Variants in PI4KA observed in about 807,000 individuals in gnomAD.
PI4KA encodes PI4-kinase alpha.
In PI4KA, 122 loss-of-function variants were observed where a neutral mutation model predicts 271.4. The ratio of observed to expected loss-of-function variants is 0.45; its 90% confidence interval spans 0.39 to 0.52. The LOEUF is 0.52. PI4KA is among the 20% of genes least tolerant of loss of function. PI4KA has a pLI of 0.00. For synonymous variants in PI4KA, 1,041 were observed against 1,078.8 expected, an observed-to-expected ratio of 0.96 and a Z score of 0.69; for missense variants, 1,969 against 2,769.1, an observed-to-expected ratio of 0.71 and a Z score of 6.48.
intron 22 of PI4KA, 23 bp downstream of exon 22, chr22:20,764,794 C>T: frequency 6.3e-7 from 1 of 1,593,040 alleles, no homozygotes; most frequent in Non-Finnish European, 8.6e-7. Context: ...TGTGCATGTG[C>T]ATGGTGGTGA....
chr22:20,770,103 G>A (rs1487571485), intron 19 of PI4KA, among the ~76,000 whole-genome samples: 1 of 152,014 alleles, frequency 6.6e-6, no homozygotes, highest in Non-Finnish European at 1.5e-5. Context: ...ACTGGAGTAG[G>A]GGGTACAATC....
chr22:20,745,943 A>G (rs1282183904), intron 29 of PI4KA, among the ~76,000 whole-genome samples: 1 of 144,704 alleles, frequency 6.9e-6, no homozygotes, highest in South Asian at 2.2e-4. Flanking sequence ...GGTTCAAGTG[A>G]TTCTCCTGCC....
intron 7 of PI4KA, among the ~76,000 whole-genome samples, chr22:20,815,155 G>A (rs1921610625): frequency 6.6e-6 from 1 of 152,018 alleles, no homozygotes; most frequent in Admixed American, 6.5e-5. Flanking sequence ...GGCCGAGGCG[G>A]GTGGATCACA....
At chr22:20,768,576 A>G (rs913478876) in intron 19 of PI4KA, among the ~76,000 whole-genome samples, 6 of 152,216 alleles carry the variant, frequency 3.9e-5, no homozygotes, top group Non-Finnish European at 8.8e-5. Context: ...TTTAATGTCT[A>G]TATTTCCTGG....
At chr22:20,852,957 CT>C (rs1390886434) in intron 1 of PI4KA, among the ~76,000 whole-genome samples, 1 of 152,196 alleles carries the variant, frequency 6.6e-6, no homozygotes, top group Admixed American at 6.5e-5. Context: ...TCAGATCGGG[CT>C]GGGTGCAGCA....
intron 19 of PI4KA, among the ~76,000 whole-genome samples, chr22:20,780,633 G>A (rs1003433588): frequency 6.6e-6 from 1 of 151,988 alleles, no homozygotes; most frequent in Admixed American, 6.6e-5. Context: ...AAAATTAGCT[G>A]GGCCTGGCGG....
chr22:20,780,143 T>C (rs759099484), intron 19 of PI4KA: 2 of 1,614,064 alleles, frequency 1.2e-6, no homozygotes, highest in African/African-American at 2.7e-5. Context: ...TAAAAGATGC[T>C]CTGGAGAATA....
In PI4KA at chr22:20,820,669, C is replaced by T. The variant is rs146811883; in HGVS notation, c.457-58G>A. 375 of 1,200,408 alleles carry T rather than the reference C, an allele frequency of 3.1e-4. 5 individuals are homozygous for T. In the East Asian group the frequency reaches 8.0e-3, roughly 26 times the overall value. 74.4% of individuals were successfully genotyped at this position (1,200,408 alleles called of 1,614,324 possible). A position where few individuals can be genotyped will look rare whatever the true frequency, so the allele number is the denominator to read the frequency against. On this transcript the variant is annotated intron_variant, in intron 4 of 54. Coordinates refer to ENST00000255882, the MANE Select transcript of PI4KA (RefSeq NM_058004.4). ...CATAAACAAAATTAGGTAAATATCACGAAACTAAGTCAGAATTAGAAGGCA... is the reference window on the plus strand; with the variant it reads ...CATAAACAAAATTAGGTAAATATCATGAAACTAAGTCAGAATTAGAAGGCA...
intron 23 of PI4KA, among the ~76,000 whole-genome samples, chr22:20,760,200 TAC>T (rs1931822466): frequency 6.6e-6 from 1 of 152,248 alleles, no homozygotes. Flanking sequence ...AATTTATTCA[TAC>T]AGTTAATCAA....
At chr22:20,786,399 C>G (rs1487275715) in intron 19 of PI4KA, among the ~76,000 whole-genome samples, 1 of 152,216 alleles carries the variant, frequency 6.6e-6, no homozygotes, top group Non-Finnish European at 1.5e-5. Flanking sequence ...CCCACTCCCG[C>G]TGACACCAGA....
intron 14 of PI4KA, among the ~76,000 whole-genome samples, 154 bp downstream of exon 14, chr22:20,801,819 G>A (rs1014640499): frequency 5.3e-5 from 8 of 152,226 alleles, no homozygotes. Flanking sequence ...CCAGGAGGCA[G>A]AGGTAGCAGT....
At chr22:20,798,475 T>C (rs566979478) in intron 17 of PI4KA, 109 bp downstream of exon 17, 2 of 794,378 alleles carry the variant, frequency 2.5e-6, no homozygotes, top group Non-Finnish European at 2.2e-6. Context: ...CTGTAGCATA[T>C]AGTTTTCTTG....
intron 19 of PI4KA, among the ~76,000 whole-genome samples, chr22:20,791,909 T>C (rs1233388962): frequency 6.6e-6 from 1 of 152,250 alleles, no homozygotes; most frequent in Admixed American, 6.5e-5. Flanking sequence ...GAGACCAGCC[T>C]GGCCAACATG....
rs1421990101 is a variant in PI4KA, at chr22:20,753,169, A to G, written c.2803T>C (p.Cys935Arg). Reference protein sequence around the residue: ...IQKDKSGMMQCVIAVADKVFD... With the variant: ...IQKDKSGMMQRVIAVADKVFD... Reference sequence around the variant, plus strand: ...ACTTTGTCCGCGACTGCAATCACACACTGCATCATCCCTGAAACGAGAAGG... The same window carrying G: ...ACTTTGTCCGCGACTGCAATCACACGCTGCATCATCCCTGAAACGAGAAGG... Residue 935 changes from cysteine (C) to arginine (R), a missense_variant, in exon 24 of 55, where the codon TGT (cysteine) becomes CGT (arginine). Physicochemically the swap from Cys to Arg is radical, Grantham distance 180 (BLOSUM62 -3). This residue lies in a region of PI4KA where 368 missense variants were observed against 544.3 expected (regional missense o/e 0.68). Transcript: ENST00000255882. 1.2e-6 allele frequency: 2 copies of G among 1,612,772 alleles called. No homozygotes were observed. The highest frequency in any genetic ancestry group is 1.3e-5 in the African/African-American group (1 of 74,890).
chr22:20,767,665 T>C (rs1932656576), intron 19 of PI4KA, among the ~76,000 whole-genome samples: 5 of 149,664 alleles, frequency 3.3e-5, no homozygotes, highest in Non-Finnish European at 7.4e-5. Context: ...GATGGAGTCT[T>C]GCTCTGTCGC....
intron 42 of PI4KA, 180 bp downstream of exon 42, chr22:20,726,308 G>T: frequency 1.9e-6 from 1 of 521,696 alleles, no homozygotes; most frequent in Non-Finnish European, 3.3e-6. Flanking sequence ...GGCAGTGGGT[G>T]AACATGGGTA....
intron 23 of PI4KA, among the ~76,000 whole-genome samples, chr22:20,756,443 C>G (rs1157099067): frequency 6.6e-6 from 1 of 152,076 alleles, no homozygotes; most frequent in Non-Finnish European, 1.5e-5. Flanking sequence ...TGGTCTCAAA[C>G]TCCTGATCTC....
At chr22:20,779,506 T>C (rs761436153) in intron 19 of PI4KA, 3 of 1,614,056 alleles carry the variant, frequency 1.9e-6, no homozygotes, top group Non-Finnish European at 2.5e-6. Context: ...GAAAACACCG[T>C]CACCAACGAC....
At chr22:20,805,519 A>AT (rs372372984) in intron 10 of PI4KA, among the ~76,000 whole-genome samples, 76 of 151,766 alleles carry the variant, frequency 5.0e-4, no homozygotes, top group Middle Eastern at 3.4e-3. Context: ...TACTTCTGTG[A>AT]TTTTTTTTTC....
Sources: gnomAD v4.1 joint callset for allele counts (sites outside exome capture counted in the v4.1 genomes callset) on GRCh38, gnomAD v4.1.1 for gene constraint, gnomAD v4.1.1 regional missense constraint, MANE v1.5 for transcripts, NCBI Gene and HGNC (gene_info 2026-07-23, HGNC 2026-07-21) for gene names.